The following PROM1 variants were observed in gnomAD, a reference collection of about 807,000 sequenced individuals.
PROM1 encodes prominin-1.
A neutral mutation model predicts 116.9 loss-of-function variants in PROM1; 105 were observed. The ratio of observed to expected loss-of-function variants is 0.90; its 90% CI spans 0.77 to 1.06. The LOEUF is 1.06. Among genes scored for constraint, PROM1 ranks in the 50% least tolerant of loss-of-function variants. The pLI is 0.00. For missense variants in PROM1, 1,122 were observed against 1,045.2 expected (o/e 1.07, Z -1.01); for synonymous variants, 393 against 387.0 (o/e 1.02, Z -0.18).
chr4:16,064,161 A>G (rs1486580167), intron 2 of PROM1, among the ~76,000 whole-genome samples: 2 of 152,236 alleles, frequency 1.3e-5, no homozygotes, highest in Non-Finnish European at 2.9e-5. Context: ...TCACTAAAAC[A>G]CATAGGAAAA....
chr4:16,063,056 T>C (rs950635227), intron 2 of PROM1, among the ~76,000 whole-genome samples: 2 of 152,120 alleles, frequency 1.3e-5, no homozygotes, highest in Non-Finnish European at 2.9e-5. Context: ...AAACTATCCA[T>C]CTCCTGATGT....
At chr4:15,974,118 T>TCTCTC (rs1715450315) in intron 26 of PROM1, among the ~76,000 whole-genome samples, 10 of 149,468 alleles carry the variant, frequency 6.7e-5, no homozygotes, top group South Asian at 2.1e-4. Context: ...CTCTCTCTCT[T>TCTCTC]TCTCTCTCTC....
At chr4:15,986,719 A>G (rs1324002528) in intron 20 of PROM1, among the ~76,000 whole-genome samples, 1 of 152,236 alleles carries the variant, frequency 6.6e-6, no homozygotes, top group Non-Finnish European at 1.5e-5. Flanking sequence ...ACACACACCT[A>G]TGAAATGGCA....
Position 15,971,028 on chromosome 4 carries a change from AAG to A in PROM1, c.*24+13_*24+14del. ...TAGTCCTGTAGATTCTCTTCAATGA[AAG>A]CATCAAACTTACCTCAAGCAGTTTC... On this transcript the variant is annotated intron_variant, in intron 27 of 27. Coordinates refer to ENST00000447510, the MANE Select transcript of PROM1 (RefSeq NM_006017.3). 1.3e-6 allele frequency: 2 copies of A among 1,569,822 alleles called. No individual in the cohort carries two copies. Among genetic ancestry groups the A allele is most frequent in the Non-Finnish European group, 1.7e-6 (2 of 1,154,296 alleles).
chr4:16,063,660 T>C (rs1285940982), intron 2 of PROM1, among the ~76,000 whole-genome samples: 1 of 152,184 alleles, frequency 6.6e-6, no homozygotes, highest in Non-Finnish European at 1.5e-5. Flanking sequence ...GTATGGACGT[T>C]ATGTGTATCC....
At chr4:15,987,402 T>A (rs1461315980) in intron 20 of PROM1, among the ~76,000 whole-genome samples, 2 of 152,200 alleles carry the variant, frequency 1.3e-5, no homozygotes, top group African/African-American at 4.8e-5. Context: ...AAGGGACCAA[T>A]GTACCTTCCA....
At chr4:16,017,111 A>G (rs768282086) in intron 9 of PROM1, among the ~76,000 whole-genome samples, 1 of 152,240 alleles carries the variant, frequency 6.6e-6, no homozygotes, top group Non-Finnish European at 1.5e-5. Flanking sequence ...GTAAAAAGGC[A>G]TGATGATGTC....
In PROM1 at chr4:15,992,308, G is replaced by A. The variant is rs1225161332; in HGVS notation, c.1851C>T (p.Asn617=). ...IFLLGAAGRK[N]LQDFAACGID... ...TTCCACAAGCAGCAAAATCCTGAAGGTTTTTTCTTCCTGCTGCACCCAACA... is the reference window on the plus strand; with the variant it reads ...TTCCACAAGCAGCAAAATCCTGAAGATTTTTTCTTCCTGCTGCACCCAACA... The change falls in exon 17 of 28, where the codon AAC becomes AAT. Residue 617 remains asparagine, a synonymous_variant. Transcript: ENST00000447510. The A allele has an allele frequency of 1.2e-6, 2 of 1,613,814 alleles. No homozygotes were observed. Among genetic ancestry groups the A allele is most frequent in the East Asian group, 4.5e-5 (2 of 44,868 alleles).
intron 5 of PROM1, among the ~76,000 whole-genome samples, chr4:16,032,194 C>T (rs1732873918): frequency 6.6e-6 from 1 of 151,252 alleles, no homozygotes; most frequent in African/African-American, 2.4e-5. Flanking sequence ...ACATGGTCTG[C>T]AACCTGCTTT....
chr4:16,027,309 C>A (rs1306017193), intron 5 of PROM1, among the ~76,000 whole-genome samples: 2 of 151,910 alleles, frequency 1.3e-5, no homozygotes, highest in Non-Finnish European at 2.9e-5. Context: ...CACACACACA[C>A]ACACACACAC....
chr4:16,079,912 G>T (rs1254606440), intron 1 of PROM1: 1 of 141,944 alleles, frequency 7.0e-6, no homozygotes, highest in East Asian at 2.1e-4. Context: ...TGCTGTGCAG[G>T]TCCCTGGCTT....
At chr4:16,026,227 G>A (rs1483631259) in intron 5 of PROM1, among the ~76,000 whole-genome samples, 1 of 152,054 alleles carries the variant, frequency 6.6e-6, no homozygotes, top group African/African-American at 2.4e-5. Context: ...TAATTTTTAA[G>A]GGCTCTTACT....
Position 16,076,103 on chromosome 4 carries a change from A to C in PROM1, c.-197T>G, listed in dbSNP as rs2149587647. ...AGAATGTTCTCCAAGGGGGTCATTC[A>C]CTCAAGGCACCATCCCTGGCAGGGA... On this transcript the variant is annotated 5_prime_UTR_variant, in exon 2 of 28. Transcript: ENST00000447510. 1 of 1,110,298 alleles carries C rather than the reference A, an allele frequency of 9.0e-7. No homozygotes were observed. Among genetic ancestry groups the C allele is most frequent in the African/African-American group, 1.6e-5 (1 of 63,366 alleles). The allele number at this position is 1,110,298 out of a possible 1,614,324, so 68.8% of individuals were successfully genotyped here.
intron 8 of PROM1, among the ~76,000 whole-genome samples, chr4:16,021,344 A>G (rs1168289881): frequency 2.0e-5 from 3 of 152,230 alleles, no homozygotes; most frequent in African/African-American, 7.2e-5. Context: ...GTATGCATCA[A>G]CCACAGTCCA....
intron 7 of PROM1, 53 bp from the exon 8 acceptor site, chr4:16,023,468 AC>A: frequency 2.2e-6 from 3 of 1,367,074 alleles, no homozygotes; most frequent in Non-Finnish European, 2.0e-6. Context: ...TCATCTCTCC[AC>A]CCCTCCCTCA....
rs143743682 is a variant in PROM1 at position 15,971,373 on chromosome 4, C to T, written c.2583-291G>A. On this transcript the variant is annotated intron_variant, in intron 26 of 27. Coordinates refer to ENST00000447510, the MANE Select transcript of PROM1 (RefSeq NM_006017.3). The stretch of plus-strand genomic sequence containing the variant: ...AAAGTGTTAAGAGTCACTAAGAATA[C>T]GTGTTGAAGACATTAGACCAGCAGC... 107 of 341,026 alleles carry T rather than the reference C, an allele frequency of 3.1e-4. No homozygotes were observed. The East Asian group carries it at 4.1e-3, about 13-fold the overall frequency. 21.1% of individuals were successfully genotyped at this position (341,026 alleles called of 1,614,324 possible). A position where few individuals can be genotyped will look rare whatever the true frequency, so the allele number is the denominator to read the frequency against.
At chr4:15,984,930 C>G (rs968166196) in intron 22 of PROM1, among the ~76,000 whole-genome samples, 1 of 152,220 alleles carries the variant, frequency 6.6e-6, no homozygotes, top group African/African-American at 2.4e-5. Flanking sequence ...TTCCACTAAA[C>G]CAGTCCCTGG....
At position 16,027,297 on chromosome 4, in the gene PROM1, A is replaced by AACACACACACACACAC. The variant is rs144910885; in HGVS notation, c.510-2001_510-1986dup. 5.0e-3 allele frequency among the ~76,000 whole-genome samples: 739 copies of AACACACACACACACAC among 147,204 alleles called. 5 individuals carry two copies. Among genetic ancestry groups the AACACACACACACACAC allele is most frequent in the East Asian group, 0.032 (160 of 4,960 alleles). On this transcript the variant is annotated intron_variant, in intron 5 of 27. Transcript: ENST00000447510. ...TGATTTTGGAGTTTTGTGAAGAAGA[A>AACACACACACACACAC]ACACACACACACACACACACACACA...
intron 18 of PROM1, 94 bp from the exon 19 acceptor site, chr4:15,989,918 GC>G: frequency 1.0e-6 from 1 of 970,964 alleles, no homozygotes; most frequent in East Asian, 2.6e-5. Context: ...CAGGAGGGCT[GC>G]CATGACATAA....
Sources: allele counts gnomAD v4.1 joint callset (sites outside exome capture counted in the v4.1 genomes callset), GRCh38; gene constraint gnomAD v4.1.1; transcripts MANE v1.5; gene names NCBI Gene and HGNC (gene_info 2026-07-23, HGNC 2026-07-21).